The following LRP1B variants were observed in gnomAD, a reference collection of about 807,000 sequenced individuals.
LRP1B encodes the protein low-density lipoprotein receptor-related protein 1B.
Under a neutral mutation model 556.6 loss-of-function variants are expected in LRP1B, and 217 were observed. The ratio of observed to expected loss-of-function variants is 0.39; its 90% CI spans 0.35 to 0.44. The LOEUF (loss-of-function observed/expected upper bound fraction) is 0.44. Ranked by LOEUF, LRP1B falls within the 20% of genes least tolerant of loss-of-function variation. The pLI is 1.00. For synonymous variants in LRP1B, 2,047 were observed against 1,865.8 expected, an observed-to-expected ratio of 1.10 and a Z score of -2.50; for missense variants, 5,053 against 5,620.8, an observed-to-expected ratio of 0.90 and a Z score of 3.23.
chr2:141,473,834 C>G (rs1682575572), intron 3 of LRP1B, among the ~76,000 whole-genome samples: 1 of 150,986 alleles, frequency 6.6e-6, no homozygotes, highest in African/African-American at 2.4e-5. Context: ...TACCTCTTCT[C>G]CATACCTTTG....
intron 2 of LRP1B, among the ~76,000 whole-genome samples, chr2:141,697,288 G>T (rs1202634925): frequency 2.0e-5 from 3 of 151,818 alleles, no homozygotes; most frequent in Non-Finnish European, 4.4e-5. Flanking sequence ...GTACTAGCTG[G>T]ACTATTAGCT....
intron 3 of LRP1B, among the ~76,000 whole-genome samples, chr2:141,302,484 T>C (rs1686432146): frequency 6.6e-6 from 1 of 152,138 alleles, no homozygotes; most frequent in African/African-American, 2.4e-5. Context: ...ATATTGAAAA[T>C]ATAGAACAGC....
intron 3 of LRP1B, among the ~76,000 whole-genome samples, chr2:141,393,876 A>T (rs1376938570): frequency 6.6e-6 from 1 of 152,164 alleles, no homozygotes; most frequent in African/African-American, 2.4e-5. Context: ...AATATTTCAT[A>T]GTCTTGTTTT....
intron 31 of LRP1B, among the ~76,000 whole-genome samples, chr2:140,835,860 T>C (rs1019423193): frequency 7.9e-5 from 12 of 152,166 alleles, no homozygotes; most frequent in Admixed American, 2.0e-4. Flanking sequence ...TTTAGAGTTT[T>C]ATATTTGCAG....
intron 35 of LRP1B, among the ~76,000 whole-genome samples, chr2:140,756,890 G>A (rs192605993): frequency 6.6e-6 from 1 of 151,996 alleles, no homozygotes; most frequent in East Asian, 1.9e-4. Context: ...ACTATAGCAT[G>A]GCAGAAAACT....
chr2:141,346,034 A>C (rs1184815647), intron 3 of LRP1B, among the ~76,000 whole-genome samples: 1 of 151,986 alleles, frequency 6.6e-6, no homozygotes, highest in African/African-American at 2.4e-5. Flanking sequence ...CACTTTAAAA[A>C]GTAGCCTCTT....
At chr2:140,400,916 G>A (rs1607390) in intron 66 of LRP1B, among the ~76,000 whole-genome samples, 16,987 of 152,156 alleles carry the variant, frequency 0.11, 1,059 homozygotes, top group African/African-American at 0.17. Context: ...AACTGATTTA[G>A]AGAGTGGTAA....
chr2:141,810,543 A>ACCAATAGGAAAC, intron 1 of LRP1B, 142 bp from the exon 2 acceptor site: 1 of 853,720 alleles, frequency 1.2e-6, no homozygotes, highest in Non-Finnish European at 1.8e-6. Flanking sequence ...GCAAAGACAA[A>ACCAATAGGAAAC]CCAATTATTT....
intron 36 of LRP1B, 122 bp from the exon 37 acceptor site, chr2:140,716,224 C>CT: frequency 1.5e-6 from 1 of 662,082 alleles, no homozygotes; most frequent in East Asian, 2.6e-5. Flanking sequence ...TTCCTACATT[C>CT]TTTTTAAATG....
chr2:140,798,730 A>G (rs578154011), intron 32 of LRP1B, among the ~76,000 whole-genome samples: 1 of 152,252 alleles, frequency 6.6e-6, no homozygotes, highest in African/African-American at 2.4e-5. Context: ...TTTTCCCTGC[A>G]CAGTTAGTAT....
intron 12 of LRP1B, among the ~76,000 whole-genome samples, chr2:141,017,384 C>A (rs1179836362): frequency 6.7e-6 from 1 of 148,696 alleles, no homozygotes; most frequent in Non-Finnish European, 1.5e-5. Flanking sequence ...GTTATCTTAC[C>A]CTATAGCTTC....
chr2:141,753,177 G>C (rs192179919), intron 2 of LRP1B, among the ~76,000 whole-genome samples: 1 of 144,654 alleles, frequency 6.9e-6, no homozygotes, highest in African/African-American at 2.6e-5. Flanking sequence ...GAACCTGGGA[G>C]GGGGAGGTTG....
chr2:141,059,266 C>G (rs1699272900), intron 8 of LRP1B, among the ~76,000 whole-genome samples: 3 of 151,594 alleles, frequency 2.0e-5, no homozygotes, highest in Non-Finnish European at 4.4e-5. Context: ...TAAAACAGTT[C>G]CAAATGTAGG....
At chr2:141,614,250 C>T (rs751494322) in intron 2 of LRP1B, among the ~76,000 whole-genome samples, 49 of 152,042 alleles carry the variant, frequency 3.2e-4, no homozygotes, top group Non-Finnish European at 5.6e-4. Context: ...CAGACCATTG[C>T]TGCACAGAAC....
intron 79 of LRP1B, 23 bp from the exon 80 acceptor site, chr2:140,325,901 A>ACAAATAGTGCAAG (rs1263505114): frequency 1.5e-6 from 2 of 1,359,094 alleles, no homozygotes. Flanking sequence ...CACACACAAG[A>ACAAATAGTGCAAG]CAAATAGTGC....
In LRP1B at chr2:140,427,891, G is replaced by T. The variant is rs567904588; in HGVS notation, c.10414+14613C>A. Among the ~76,000 whole-genome samples, 184 of 152,070 alleles carry T rather than the reference G, an allele frequency of 1.2e-3. 3 individuals are homozygous for T. The highest frequency in any genetic ancestry group is 3.8e-3 in the African/African-American group (158 of 41,466). ...TTATCACCTCCCTTCCTCACACGGG[G>T]TCCGGCTTACAGTTTCATGCCGTGA... On this transcript the variant is annotated intron_variant, in intron 66 of 90. Transcript: ENST00000389484.
intron 7 of LRP1B, among the ~76,000 whole-genome samples, chr2:141,180,339 G>C (rs1680935286): frequency 9.1e-6 from 1 of 110,230 alleles, no homozygotes. Flanking sequence ...TGTTTTCATA[G>C]AACTCCATAA....
At chr2:140,664,420 T>C (rs1465165790) in intron 41 of LRP1B, among the ~76,000 whole-genome samples, 2 of 152,090 alleles carry the variant, frequency 1.3e-5, no homozygotes, top group Non-Finnish European at 2.9e-5. Context: ...TTTAGGAATT[T>C]CTCTGTTCAA....
At chr2:140,491,648 C>G (rs111640911) in intron 57 of LRP1B, among the ~76,000 whole-genome samples, 1 of 151,918 alleles carries the variant, frequency 6.6e-6, no homozygotes, top group Non-Finnish European at 1.5e-5. Context: ...AAAACTTTCC[C>G]TCTTGAAGCA....
Sources: allele counts gnomAD v4.1 joint callset (sites outside exome capture counted in the v4.1 genomes callset), GRCh38; gene constraint gnomAD v4.1.1; transcripts MANE v1.5; gene names NCBI Gene and HGNC (gene_info 2026-07-23, HGNC 2026-07-21).